PRRT3: variants seen among roughly 807,000 people sequenced by gnomAD.
The protein encoded by PRRT3 is proline rich transmembrane protein 3, also known as proline-rich transmembrane protein 3.
A neutral mutation model predicts 56.6 loss-of-function variants in PRRT3; 48 were observed. The observed-to-expected ratio is 0.85, with a 90% CI of 0.67 to 1.08. PRRT3 has a LOEUF of 1.08. Ranked by LOEUF, PRRT3 falls within the 50% of genes least tolerant of loss-of-function variation. The pLI, the probability that PRRT3 is intolerant of heterozygous loss-of-function variation, is 0.00. For missense variants in PRRT3, 1,370 were observed against 1,353.1 expected, an observed-to-expected ratio of 1.01 and a Z score of -0.20; for synonymous variants, 641 against 619.1, an observed-to-expected ratio of 1.04 and a Z score of -0.52.
rs772806301 is a variant in PRRT3, at chr3:9,946,369, G to A, written c.2804C>T (p.Pro935Leu). Residue 935 changes from proline to leucine, a missense_variant, in exon 4 of 4, where the codon CCC becomes CTC. Pro to Leu is a moderately conservative substitution (Grantham distance 98, BLOSUM62 -3). Transcript: ENST00000412055. This position sits in a 1 kb window ranked among gnomAD's most constrained non-coding sequence, Gnocchi z 4.1. ...SVDSLPLDEL[P>L]STVQLLPAPT... ...GGCAGGCAGTAGCTGTACCGTGCTG[G>A]GCAACTCATCTAGGGGCAGACTGTC... 1 of 1,610,022 alleles carries A rather than the reference G, an allele frequency of 6.2e-7. No homozygotes were observed. The highest frequency in any genetic ancestry group is 8.5e-7 in the Non-Finnish European group (1 of 1,177,996).
intron 3 of PRRT3, chr3:9,948,440 C>T (rs922184994): frequency 4.6e-6 from 2 of 439,150 alleles, no homozygotes. Context: ...TGATCTCCCA[C>T]CTCAGCCTCC....
chr3:9,948,674 C>G, intron 3 of PRRT3, 84 bp downstream of exon 3: 1 of 1,522,514 alleles, frequency 6.6e-7, no homozygotes, highest in Non-Finnish European at 9.1e-7. Flanking sequence ...CATTCCCCAC[C>G]CTCCGCCCCC....
Position 9,947,195 on chromosome 3 carries a change from A to G in PRRT3, c.1978T>C (p.Trp660Arg). ...ASGLQLAAAL[W>R]LYPGPGRVGR... Reference sequence around the variant, plus strand: ...ACGCGGCCTGGGCCCGGGTACAGCCAGAGCGCAGCCGCCAGCTGCAAGCCG... The same window carrying G: ...ACGCGGCCTGGGCCCGGGTACAGCCGGAGCGCAGCCGCCAGCTGCAAGCCG... Residue 660 changes from tryptophan (W) to arginine (R), a missense_variant, in exon 4 of 4, where the codon TGG (tryptophan) becomes CGG (arginine). Transcript: ENST00000412055. This position sits in a 1 kb window ranked among gnomAD's most constrained non-coding sequence, Gnocchi z 9.2. The G allele has an allele frequency of 6.6e-7, 1 of 1,525,874 alleles. No homozygotes were observed. The allele number at this position is 1,525,874 out of a possible 1,614,324, so 94.5% of individuals were successfully genotyped here.
At position 9,946,090 on chromosome 3, in the gene PRRT3, C is replaced by T. The variant is rs2085512191; in HGVS notation, c.*137G>A. On this transcript the variant is annotated 3_prime_UTR_variant, in exon 4 of 4. Transcript: ENST00000412055. The surrounding 1 kb of genome is among the most constrained non-coding windows in gnomAD (Gnocchi z 4.1). ...TGACCTCGTGTTCCACCCACCTCGG[C>T]CTCCCAAAGTGCTGGGATTCCTGGC... 1 of 1,330,412 alleles carries T rather than the reference C, an allele frequency of 7.5e-7. No individual in the cohort carries two copies. 82.4% of individuals were successfully genotyped at this position (1,330,412 alleles called of 1,614,324 possible). A position where few individuals can be genotyped will look rare whatever the true frequency, so the allele number is the denominator to read the frequency against.
In PRRT3 at chr3:9,946,068, C is replaced by T; in HGVS notation, c.*159G>A. 1 of 1,101,006 alleles carries T rather than the reference C, an allele frequency of 9.1e-7. No individual in the cohort carries two copies. Among genetic ancestry groups the T allele is most frequent in the Middle Eastern group, 3.1e-4 (1 of 3,276 alleles). The allele number at this position is 1,101,006 out of a possible 1,614,324, so 68.2% of individuals were successfully genotyped here. On this transcript the variant is annotated 3_prime_UTR_variant, in exon 4 of 4. Transcript: ENST00000412055. The surrounding 1 kb of genome is among the most constrained non-coding windows in gnomAD (Gnocchi z 4.1). ...CAGGAGGCTGATCTCGAACTCCTGA[C>T]CTCGTGTTCCACCCACCTCGGCCTC...
chr3:9,946,220 C>T lies in PRRT3; in HGVS notation c.*7G>A, dbSNP rs1441179024. On this transcript the variant is annotated 3_prime_UTR_variant, in exon 4 of 4. Coordinates refer to ENST00000412055, the MANE Select transcript of PRRT3 (RefSeq NM_207351.5). This position sits in a 1 kb window ranked among gnomAD's most constrained non-coding sequence, Gnocchi z 4.1. ...GCAGGGTCCTGGCCCTGCGTCAGGA[C>T]CGCTCTTCAAAGCTCGATGGTATCA... 8 of 1,610,106 alleles carry T rather than the reference C, an allele frequency of 5.0e-6. No individual in the cohort carries two copies. The highest frequency in any genetic ancestry group is 5.9e-6 in the Non-Finnish European group (7 of 1,178,860).
chr3:9,946,902 G>A lies in PRRT3; in HGVS notation c.2271C>T (p.Asn757=). ...TGGCCAGCTGCCCACTCTCCGCCGGGTTGCGGATGAGGCTCTTGCTGATGT... is the reference window on the plus strand; with the variant it reads ...TGGCCAGCTGCCCACTCTCCGCCGGATTGCGGATGAGGCTCTTGCTGATGT... The part of the protein sequence containing the change: ...SLDISKSLIR[N]PAESGQLATP... The change falls in exon 4 of 4, where the codon AAC becomes AAT. Residue 757 remains asparagine, a synonymous_variant. Coordinates refer to ENST00000412055, the MANE Select transcript of PRRT3 (RefSeq NM_207351.5). This position sits in a 1 kb window ranked among gnomAD's most constrained non-coding sequence, Gnocchi z 4.1. The A allele has an allele frequency of 1.3e-6, 2 of 1,539,306 alleles. No homozygotes were observed. The highest frequency in any genetic ancestry group is 1.2e-5 in the South Asian group (1 of 84,350).
At chr3:9,952,028 G>A (rs907409742) in intron 1 of PRRT3, among the ~76,000 whole-genome samples, 1 of 152,240 alleles carries the variant, frequency 6.6e-6, no homozygotes, top group African/African-American at 2.4e-5. Context: ...CACTCTGCTG[G>A]AGAGGCTGTG....
intron 1 of PRRT3, among the ~76,000 whole-genome samples, chr3:9,951,660 T>TA (rs905850461): frequency 2.0e-5 from 3 of 152,146 alleles, no homozygotes; most frequent in African/African-American, 4.8e-5. Context: ...CTAACACAGG[T>TA]ACTGGCTAAA....
At chr3:9,950,857 G>C (rs1318480465) in intron 1 of PRRT3, among the ~76,000 whole-genome samples, 1 of 152,196 alleles carries the variant, frequency 6.6e-6, no homozygotes, top group Non-Finnish European at 1.5e-5. Context: ...GAGAGGGAGA[G>C]GAATATGCAC....
rs1293838985 is a variant in PRRT3 at position 9,947,179 on chromosome 3, G to A, written c.1994C>T (p.Pro665Leu). Residue 665 changes from proline (P) to leucine (L), a missense_variant, in exon 4 of 4, where the codon CCA becomes CTA. Physicochemically the swap from Pro to Leu is moderately conservative, Grantham distance 98 (BLOSUM62 -3). Coordinates refer to ENST00000412055, the MANE Select transcript of PRRT3 (RefSeq NM_207351.5). This position sits in a 1 kb window ranked among gnomAD's most constrained non-coding sequence, Gnocchi z 9.2. The stretch of plus-strand genomic sequence containing the variant: ...CCACGAGAAGCGGCCCACGCGGCCT[G>A]GGCCCGGGTACAGCCAGAGCGCAGC... Reference protein sequence around the residue: ...LAAALWLYPGPGRVGRFSWAW... With the variant: ...LAAALWLYPGLGRVGRFSWAW... The A allele has an allele frequency of 2.0e-6, 3 of 1,532,584 alleles. No homozygotes were observed. Among genetic ancestry groups the A allele is most frequent in the Non-Finnish European group, 2.6e-6 (3 of 1,145,188 alleles). 94.9% of individuals were successfully genotyped at this position (1,532,584 alleles called of 1,614,324 possible). A position where few individuals can be genotyped will look rare whatever the true frequency, so the allele number is the denominator to read the frequency against.
At chr3:9,951,582 C>A (rs1308578088) in intron 1 of PRRT3, among the ~76,000 whole-genome samples, 1 of 152,206 alleles carries the variant, frequency 6.6e-6, no homozygotes, top group African/African-American at 2.4e-5. Flanking sequence ...CTGGTCTAGG[C>A]TAGGTGCTGG....
rs781078104 is a variant in PRRT3, at chr3:9,946,316, C to T, written c.2857G>A (p.Ala953Thr). Residue 953 changes from alanine to threonine, a missense_variant, in exon 4 of 4, where the codon GCT becomes ACT. Physicochemically the swap from Ala to Thr is moderately conservative, Grantham distance 58 (BLOSUM62 0). Coordinates refer to ENST00000412055, the MANE Select transcript of PRRT3 (RefSeq NM_207351.5). The surrounding 1 kb of genome is among the most constrained non-coding windows in gnomAD (Gnocchi z 4.1). ...APTPAPDSTA[A>T]RQGDGQGEVQ... ...TCTCCCTGGCCGTCCCCCTGCCGAG[C>T]GGCGGTAGAATCAGGGGCTGGGGTC... The T allele has an allele frequency of 1.2e-6, 2 of 1,612,512 alleles. No individual in the cohort carries two copies. Among genetic ancestry groups the T allele is most frequent in the African/African-American group, 2.7e-5 (2 of 75,018 alleles).
In PRRT3 at chr3:9,947,648, G is replaced by T; in HGVS notation, c.1525C>A (p.Leu509Met). The part of the protein sequence containing the change: ...GPRLALVAAV[L>M]VLVASALRSA... Reference sequence around the variant, plus strand: ...CGCAGCGCCGAAGCCACGAGCACCAGCACCGCGGCCACCAATGCCAGCCGG... The same window carrying T: ...CGCAGCGCCGAAGCCACGAGCACCATCACCGCGGCCACCAATGCCAGCCGG... Residue 509 changes from leucine (L) to methionine (M), a missense_variant, in exon 4 of 4, where the codon CTG (leucine) becomes ATG (methionine). Physicochemically the swap from Leu to Met is conservative, Grantham distance 15 (BLOSUM62 2). Coordinates refer to ENST00000412055, the MANE Select transcript of PRRT3 (RefSeq NM_207351.5). This position sits in a 1 kb window ranked among gnomAD's most constrained non-coding sequence, Gnocchi z 9.2. The T allele has an allele frequency of 1.3e-6, 2 of 1,572,878 alleles. No homozygotes were observed. Among genetic ancestry groups the T allele is most frequent in the Non-Finnish European group, 8.6e-7 (1 of 1,160,750 alleles).
At chr3:9,950,335 C>T in intron 1 of PRRT3, among the ~76,000 whole-genome samples, 163 bp from the exon 2 acceptor site, 1 of 152,216 alleles carries the variant, frequency 6.6e-6, no homozygotes, top group East Asian at 1.9e-4. Flanking sequence ...CAGTGGCTCC[C>T]CATTTCCCTC....
Position 9,949,751 on chromosome 3 carries a change from G to C in PRRT3, c.365C>G (p.Pro122Arg). 6.2e-7 allele frequency: 1 copy of C among 1,614,174 alleles called. No individual in the cohort carries two copies. Among genetic ancestry groups the C allele is most frequent in the East Asian group, 2.2e-5 (1 of 44,874 alleles). Residue 122 changes from proline (P) to arginine (R), a missense_variant, in exon 2 of 4, where the codon CCA becomes CGA. Transcript: ENST00000412055. The surrounding 1 kb of genome is among the most constrained non-coding windows in gnomAD (Gnocchi z 4.5). ...VTDDLQMAQG[P>R]SSHGWTGPLD... is the part of the protein sequence containing the mutation. ...AGGTCCTGTCCAGCCGTGGGAGCTTGGTCCTTGAGCCATCTGGAGGTCATC... is the reference window on the plus strand; with the variant it reads ...AGGTCCTGTCCAGCCGTGGGAGCTTCGTCCTTGAGCCATCTGGAGGTCATC...
rs771222873 is a variant in PRRT3 at position 9,949,708 on chromosome 3, A to C, written c.408T>G (p.Leu136=). Residue 136 remains leucine (L), a synonymous_variant, in exon 2 of 4, where the codon CTT becomes CTG. Transcript: ENST00000412055. The surrounding 1 kb of genome is among the most constrained non-coding windows in gnomAD (Gnocchi z 4.5). ...GWTGPLDSQE[L]LQQEAVAPHP... Reference sequence around the variant, plus strand: ...GGGGAGCCACTGCTTCTTGCTGCAGAAGCTCTTGTGAGTCCAGAGGTCCTG... The same window carrying C: ...GGGGAGCCACTGCTTCTTGCTGCAGCAGCTCTTGTGAGTCCAGAGGTCCTG... 6.2e-7 allele frequency: 1 copy of C among 1,614,118 alleles called. No individual in the cohort carries two copies. The highest frequency in any genetic ancestry group is 8.5e-7 in the Non-Finnish European group (1 of 1,180,024).
chr3:9,949,817 TTGGGCCC>T lies in PRRT3; in HGVS notation c.292_298del (p.Gly98LysfsTer13), dbSNP rs768265141. The T allele has an allele frequency of 1.2e-6, 2 of 1,614,144 alleles. No homozygotes were observed. Among genetic ancestry groups the T allele is most frequent in the African/African-American group, 2.7e-5 (2 of 75,042 alleles). ...TTCTCTCTGAGCTCCTTGTGCTGCTTTGGGCCCGTACAGGGCTGGGCCAAGGGGAGAG... is the reference window on the plus strand; with the variant it reads ...TTCTCTCTGAGCTCCTTGTGCTGCTTGTACAGGGCTGGGCCAAGGGGAGAG... On this transcript the variant is annotated frameshift_variant, in exon 2 of 4. Coordinates refer to ENST00000412055, the MANE Select transcript of PRRT3 (RefSeq NM_207351.5). LOFTEE classifies it high-confidence loss of function. This position sits in a 1 kb window ranked among gnomAD's most constrained non-coding sequence, Gnocchi z 4.5.
Position 9,946,035 on chromosome 3 carries a change from T to A in PRRT3, c.*192A>T. On this transcript the variant is annotated 3_prime_UTR_variant, in exon 4 of 4. Transcript: ENST00000412055. The surrounding 1 kb of genome is among the most constrained non-coding windows in gnomAD (Gnocchi z 4.1). ...TAGTAGAGACGAGGGTTTCGCTATG[T>A]TCGAGACCAGGAGGCTGATCTCGAA... The A allele has an allele frequency of 1.2e-6, 1 of 826,772 alleles. No homozygotes were observed. Among genetic ancestry groups the A allele is most frequent in the East Asian group, 3.0e-5 (1 of 32,972 alleles). 51.2% of individuals were successfully genotyped at this position (826,772 alleles called of 1,614,324 possible). A position where few individuals can be genotyped will look rare whatever the true frequency, so the allele number is the denominator to read the frequency against.
Sources: allele counts gnomAD v4.1 joint callset (sites outside exome capture counted in the v4.1 genomes callset), GRCh38; gene constraint gnomAD v4.1.1; non-coding constraint Gnocchi (gnomAD v3.1); transcripts MANE v1.5; gene names NCBI Gene and HGNC (gene_info 2026-07-23, HGNC 2026-07-21).